FUT8: variants seen among roughly 807,000 people sequenced by gnomAD.
FUT8 encodes the protein alpha-(1,6)-fucosyltransferase.
A neutral mutation model predicts 71.3 loss-of-function variants in FUT8; 29 were observed. The observed-to-expected ratio is 0.41, with a 90% CI of 0.30 to 0.55. FUT8 has a LOEUF of 0.55. Among genes scored for constraint, FUT8 ranks in the 20% least tolerant of loss-of-function variants. The pLI, the probability that FUT8 is intolerant of heterozygous loss-of-function variation, is 0.34. For synonymous variants in FUT8, 254 were observed against 239.3 expected (o/e 1.06, Z -0.57); for missense variants, 544 against 702.1 (o/e 0.77, Z 2.55).
intron 3 of FUT8, among the ~76,000 whole-genome samples, chr14:65,572,994 C>T (rs1886565815): frequency 6.6e-6 from 1 of 152,102 alleles, no homozygotes; most frequent in Non-Finnish European, 1.5e-5. Context: ...TAGCAGAATA[C>T]ACATTTACCA....
chr14:65,573,972 T>G (rs566844370), intron 3 of FUT8, among the ~76,000 whole-genome samples: 10 of 152,266 alleles, frequency 6.6e-5, no homozygotes, highest in African/African-American at 2.2e-4. Flanking sequence ...CTTGCACAGT[T>G]TAGGTGGTGT....
intron 2 of FUT8, among the ~76,000 whole-genome samples, chr14:65,460,002 A>T (rs80356048): frequency 2.0e-5 from 3 of 152,234 alleles, no homozygotes; most frequent in Admixed American, 6.5e-5. Flanking sequence ...TAGGCTTGTT[A>T]TAAGATTGTG....
Position 65,472,988 on chromosome 14 carries a change from TTTTA to T in FUT8, c.-228+17277_-228+17280del, listed in dbSNP as rs1212957330. ...ATAATTTAGACAACTTATTTATAAC[TTTTA>T]TTTATTATTATTATTGAATGTAAAA... On this transcript the variant is annotated intron_variant, in intron 2 of 10. Transcript: ENST00000673929. The surrounding 1 kb of genome is among the most constrained non-coding windows in gnomAD (Gnocchi z 4.4). Among the ~76,000 whole-genome samples the T allele has an allele frequency of 6.6e-6, 1 of 152,136 alleles. No individual in the cohort carries two copies. The highest frequency in any genetic ancestry group is 1.5e-5 in the Non-Finnish European group (1 of 67,992).
chr14:65,729,356 C>T (rs1895848520), intron 9 of FUT8, among the ~76,000 whole-genome samples: 1 of 152,074 alleles, frequency 6.6e-6, no homozygotes. Flanking sequence ...ATACGCTGTA[C>T]AGATATGCCG....
At chr14:65,378,749 C>T in the FUT8 span, among the ~76,000 whole-genome samples, 1 of 151,130 alleles carries the variant, frequency 6.6e-6, no homozygotes, top group Non-Finnish European at 1.5e-5. Context: ...TACATAGTGA[C>T]CCTTACAGCA....
rs1427303490 is a variant in FUT8 at position 65,669,459 on chromosome 14, A to G, written c.814A>G (p.Ile272Val). 2 of 1,613,162 alleles carry G rather than the reference A, an allele frequency of 1.2e-6. No individual in the cohort carries two copies. Among genetic ancestry groups the G allele is most frequent in the South Asian group, 1.1e-5 (1 of 91,062 alleles). The stretch of plus-strand genomic sequence containing the variant: ...TGAGACATGCACAGACAGATCTGGC[A>G]TCTCCACTGGACACTGGTCAGGTAA... ...VSETCTDRSG[I>V]STGHWSGEVK... Residue 272 changes from isoleucine to valine, a missense_variant, in exon 7 of 11, where the codon ATC becomes GTC. Ile to Val is a conservative substitution (Grantham distance 29). Coordinates refer to ENST00000673929, the MANE Select transcript of FUT8 (RefSeq NM_001371533.1). This position sits in a 1 kb window ranked among gnomAD's most constrained non-coding sequence, Gnocchi z 4.5.
chr14:65,649,807 A>T (rs192823526), intron 6 of FUT8, among the ~76,000 whole-genome samples: 34 of 152,344 alleles, frequency 2.2e-4, no homozygotes, highest in African/African-American at 7.9e-4. Flanking sequence ...TTTAAAAGAA[A>T]CATATTAGCA....
upstream of FUT8, chr14:65,412,615 C>G (rs1342462281): frequency 3.4e-6 from 1 of 297,022 alleles, no homozygotes; most frequent in Non-Finnish European, 6.5e-6. Context: ...ACCGGCGCAG[C>G]GAGGAAGGGG....
At chr14:65,381,405 T>C in the FUT8 span, among the ~76,000 whole-genome samples, 18,514 of 152,210 alleles carry the variant, frequency 0.12, 1,450 homozygotes, top group East Asian at 0.45. Context: ...GGTGACTAGA[T>C]GGCTGAAAGT....
chr14:65,538,587 C>T (rs1378542961), intron 2 of FUT8, among the ~76,000 whole-genome samples: 1 of 152,100 alleles, frequency 6.6e-6, no homozygotes, highest in Non-Finnish European at 1.5e-5. Context: ...ACAAAGACCC[C>T]ACCATATCCC....
chr14:65,533,315 A>G (rs554464841), intron 2 of FUT8, among the ~76,000 whole-genome samples: 10 of 152,148 alleles, frequency 6.6e-5, no homozygotes, highest in African/African-American at 2.2e-4. Flanking sequence ...CATTTGTGTC[A>G]TCTCTTGATT....
At chr14:65,684,577 G>C (rs538633560) in intron 7 of FUT8, among the ~76,000 whole-genome samples, 12 of 152,278 alleles carry the variant, frequency 7.9e-5, no homozygotes, top group Non-Finnish European at 1.2e-4. Flanking sequence ...CTATTGCTTT[G>C]ATATGGTTTA....
intron 2 of FUT8, among the ~76,000 whole-genome samples, chr14:65,528,249 C>G (rs1883646647): frequency 6.6e-6 from 1 of 152,202 alleles, no homozygotes; most frequent in Non-Finnish European, 1.5e-5. Context: ...TCAGCAATGG[C>G]AGGTACCCCT....
intron 2 of FUT8, among the ~76,000 whole-genome samples, chr14:65,457,279 C>A (rs983322788): frequency 3.3e-5 from 5 of 152,046 alleles, no homozygotes; most frequent in Admixed American, 1.3e-4. Context: ...GGTTGCATTT[C>A]TTTTTTAAAA....
chr14:65,589,889 T>C (rs1887595305), intron 3 of FUT8, among the ~76,000 whole-genome samples: 1 of 152,200 alleles, frequency 6.6e-6, no homozygotes, highest in South Asian at 2.1e-4. Context: ...TAAAAGATGA[T>C]GCATAGACAT....
intron 7 of FUT8, among the ~76,000 whole-genome samples, chr14:65,694,133 G>C (rs1002292510): frequency 6.6e-6 from 1 of 152,116 alleles, no homozygotes; most frequent in Non-Finnish European, 1.5e-5. Context: ...TATTTTCAAA[G>C]AACTAGCTTT....
At position 65,512,839 on chromosome 14, in the gene FUT8, C is replaced by T. The variant is rs568469839; in HGVS notation, c.-227-48498C>T. On this transcript the variant is annotated intron_variant, in intron 2 of 10. Transcript: ENST00000673929. ...AAGAGAATTGCTTGAACCTGTGAGG[C>T]GGAGGTTGCAGTGAGCCGACATCAC... 3.0e-3 allele frequency among the ~76,000 whole-genome samples: 422 copies of T among 142,006 alleles called. 2 individuals carry two copies. The highest frequency in any genetic ancestry group is 0.01 in the African/African-American group (384 of 37,340). 93.2% of individuals were successfully genotyped at this position (142,006 alleles called of 152,430 possible). A position where few individuals can be genotyped will look rare whatever the true frequency, so the allele number is the denominator to read the frequency against.
chr14:65,411,660 C>T (rs943980305), upstream of FUT8: 2 of 213,444 alleles, frequency 9.4e-6, no homozygotes, highest in Non-Finnish European at 1.9e-5. Flanking sequence ...TTTAAAATGC[C>T]CAAGCCTAGA....
chr14:65,702,519 C>T (rs1031516395), intron 7 of FUT8, among the ~76,000 whole-genome samples: 8 of 152,036 alleles, frequency 5.3e-5, no homozygotes, highest in Non-Finnish European at 7.4e-5. Flanking sequence ...ATAAATGCAG[C>T]GGCTATGTTA....
Sources: gnomAD v4.1 joint callset for allele counts (sites outside exome capture counted in the v4.1 genomes callset) on GRCh38, gnomAD v4.1.1 for gene constraint, Gnocchi (gnomAD v3.1) non-coding constraint, MANE v1.5 for transcripts, NCBI Gene and HGNC (gene_info 2026-07-23, HGNC 2026-07-21) for gene names.